Variants in CEP57 observed in about 807,000 individuals in gnomAD.
CEP57 encodes centrosomal protein of 57 kDa.
CEP57 carries 40 observed loss-of-function variants against 68.0 expected under a neutral mutation model. That is an observed-to-expected ratio of 0.59 (90% CI 0.46 to 0.77). The LOEUF is 0.77. Among genes scored for constraint, CEP57 ranks in the 30% least tolerant of loss-of-function variants. The pLI, the probability that CEP57 is intolerant of heterozygous loss-of-function variation, is 0.00. For synonymous variants in CEP57, 219 were observed against 198.7 expected (o/e 1.10, Z -0.86); for missense variants, 606 against 580.7 (o/e 1.04, Z -0.45).
chr11:95,799,428 T>C (rs752723677), intron 2 of CEP57, 40 bp downstream of exon 2: 7 of 1,611,662 alleles, frequency 4.3e-6, no homozygotes, highest in Non-Finnish European at 5.9e-6. Flanking sequence ...TTGTGTTTTC[T>C]TGCTGCTTTA....
chr11:95,822,045 T>C (rs1862539427), intron 7 of CEP57, 67 bp downstream of exon 7: 3 of 1,038,436 alleles, frequency 2.9e-6, no homozygotes, highest in Non-Finnish European at 4.5e-6. Context: ...AAAACACCCA[T>C]AAACTGTGTG....
chr11:95,800,786 A>G (rs1236131354), intron 2 of CEP57, among the ~76,000 whole-genome samples: 2 of 152,140 alleles, frequency 1.3e-5, no homozygotes, highest in South Asian at 2.1e-4. Flanking sequence ...GATTGGGCCC[A>G]CTCAGATAAT....
rs759227527 is a variant in CEP57 at position 95,829,260 on chromosome 11, T to C, written c.1201T>C (p.Leu401=). ...VELKDKLECE[L]EALVGRMEAK... ...ACTGAAAGACAAGTTGGAGTGTGAATTGGAGGCATTAGTGGGAAGGATGGA... is the reference window on the plus strand; with the variant it reads ...ACTGAAAGACAAGTTGGAGTGTGAACTGGAGGCATTAGTGGGAAGGATGGA... Residue 401 remains leucine, a synonymous_variant, in exon 10 of 11, where the codon TTG becomes CTG. Coordinates refer to ENST00000325542, the MANE Select transcript of CEP57 (RefSeq NM_014679.5). 9 of 1,613,904 alleles carry C rather than the reference T, an allele frequency of 5.6e-6. No individual in the cohort carries two copies. The highest frequency in any genetic ancestry group is 7.6e-6 in the Non-Finnish European group (9 of 1,179,982).
intron 2 of CEP57, among the ~76,000 whole-genome samples, chr11:95,808,057 A>G (rs1861888467): frequency 1.3e-5 from 2 of 152,368 alleles, no homozygotes; most frequent in Middle Eastern, 3.4e-3. Context: ...AGTGGGGGCC[A>G]ATATTCAACA....
intron 2 of CEP57, among the ~76,000 whole-genome samples, chr11:95,806,590 TG>T (rs150283254): frequency 0.043 from 6,514 of 152,288 alleles, 477 homozygotes; most frequent in African/African-American, 0.15. Context: ...TTCCTGGCTC[TG>T]AGGGTCCCAT....
chr11:95,802,413 C>G (rs1861622034), intron 2 of CEP57, among the ~76,000 whole-genome samples: 1 of 151,968 alleles, frequency 6.6e-6, no homozygotes, highest in Non-Finnish European at 1.5e-5. Context: ...TGCCACCACA[C>G]CTGGCTAATT....
At chr11:95,824,429 G>T (rs960876897) in intron 8 of CEP57, among the ~76,000 whole-genome samples, 3 of 152,070 alleles carry the variant, frequency 2.0e-5, no homozygotes, top group African/African-American at 7.2e-5. Flanking sequence ...TTGAGAAAAA[G>T]GAAAGTCATT....
intron 2 of CEP57, among the ~76,000 whole-genome samples, chr11:95,801,373 A>C (rs1045998557): frequency 3.3e-5 from 5 of 151,890 alleles, no homozygotes; most frequent in African/African-American, 9.7e-5. Flanking sequence ...ATAAGGTTCT[A>C]CACATCAGAG....
chr11:95,815,412 G>A (rs1046802714), intron 4 of CEP57, among the ~76,000 whole-genome samples: 2 of 152,048 alleles, frequency 1.3e-5, no homozygotes, highest in South Asian at 2.1e-4. Flanking sequence ...CTCTTTGAAC[G>A]CTATAAACAA....
At chr11:95,818,323 A>T (rs1240921540) in intron 5 of CEP57, among the ~76,000 whole-genome samples, 1 of 151,790 alleles carries the variant, frequency 6.6e-6, no homozygotes, top group South Asian at 2.1e-4. Context: ...AGACAGGAGA[A>T]TCGCTTGAAA....
chr11:95,822,455 T>C, intron 7 of CEP57, 44 bp from the exon 8 acceptor site: 1 of 1,459,066 alleles, frequency 6.9e-7, no homozygotes, highest in Non-Finnish European at 9.6e-7. Flanking sequence ...GTTTTTATTA[T>C]CATGTGAATA....
At chr11:95,794,766 G>A (rs1167005600) in intron 1 of CEP57, among the ~76,000 whole-genome samples, 2 of 151,938 alleles carry the variant, frequency 1.3e-5, no homozygotes, top group Non-Finnish European at 2.9e-5. Flanking sequence ...TTTCTCCAAG[G>A]CCTTGGTTGT....
intron 1 of CEP57, among the ~76,000 whole-genome samples, chr11:95,795,978 A>G (rs1861330638): frequency 1.3e-5 from 2 of 152,224 alleles, no homozygotes; most frequent in Admixed American, 1.3e-4. Context: ...TTTCAGCACT[A>G]ATAAAGACCT....
chr11:95,828,942 T>C (rs182275630), intron 9 of CEP57, among the ~76,000 whole-genome samples: 14 of 151,102 alleles, frequency 9.3e-5, no homozygotes, highest in African/African-American at 2.7e-4. Flanking sequence ...CTCGGGAGGC[T>C]GAGGCAGGAG....
At chr11:95,827,496 T>C (rs1042845743) in intron 8 of CEP57, 2 of 369,254 alleles carry the variant, frequency 5.4e-6, no homozygotes, top group East Asian at 5.6e-5. Flanking sequence ...TCTGCAAATA[T>C]GGTTTGTTCA....
chr11:95,826,917 TA>T (rs1371470054), intron 8 of CEP57: 4 of 152,168 alleles, frequency 2.6e-5, no homozygotes, highest in African/African-American at 9.7e-5. Flanking sequence ...CAATAGAAAC[TA>T]AGATTAGAAG....
chr11:95,818,802 T>C (rs767039480), intron 5 of CEP57, 25 bp from the exon 6 acceptor site: 9 of 1,582,570 alleles, frequency 5.7e-6, no homozygotes, highest in Non-Finnish European at 7.8e-6. Context: ...TTCACCTTTA[T>C]CCCTTTTGAC....
chr11:95,813,112 G>A lies in CEP57; in HGVS notation c.382+1G>A. The stretch of plus-strand genomic sequence containing the variant: ...AATGAGGAATCAAAGCACAATCAAG[G>A]TTTGTTGATGAAGAAAATTAAAATT... On this transcript the variant is annotated splice_donor_variant, in intron 3 of 10. Coordinates refer to ENST00000325542, the MANE Select transcript of CEP57 (RefSeq NM_014679.5). LOFTEE classifies it high-confidence loss of function. 6.2e-7 allele frequency: 1 copy of A among 1,611,856 alleles called. No individual in the cohort carries two copies. Among genetic ancestry groups the A allele is most frequent in the Non-Finnish European group, 8.5e-7 (1 of 1,179,622 alleles).
At chr11:95,790,350 G>A (rs545547744), upstream of CEP57, 10 of 424,856 alleles carry the variant, frequency 2.4e-5, no homozygotes, top group African/African-American at 1.6e-4. Flanking sequence ...CGCAGAGCCG[G>A]CCTGTAACCC....
Sources: allele counts gnomAD v4.1 joint callset (sites outside exome capture counted in the v4.1 genomes callset), GRCh38; gene constraint gnomAD v4.1.1; transcripts MANE v1.5; gene names NCBI Gene and HGNC (gene_info 2026-07-23, HGNC 2026-07-21).